The following ARHGAP44 variants were observed in gnomAD, a reference collection of about 807,000 sequenced individuals.
ARHGAP44 encodes rho GTPase-activating protein 44.
ARHGAP44 carries 43 observed loss-of-function variants against 106.8 expected under a neutral mutation model. The observed-to-expected ratio is 0.40, with a 90% confidence interval of 0.32 to 0.52. ARHGAP44 has a LOEUF of 0.52. Among genes scored for constraint, ARHGAP44 ranks in the 20% least tolerant of loss-of-function variants. The pLI, the probability that ARHGAP44 is intolerant of heterozygous loss-of-function variation, is 0.48. For synonymous variants in ARHGAP44, 439 were observed against 410.3 expected (o/e 1.07, Z -0.85); for missense variants, 866 against 1,050.5 (o/e 0.82, Z 2.43).
intron 1 of ARHGAP44, among the ~76,000 whole-genome samples, chr17:12,894,507 G>T (rs988720475): frequency 5.3e-5 from 8 of 152,176 alleles, no homozygotes; most frequent in Non-Finnish European, 1.2e-4. Flanking sequence ...TTGCCAGACC[G>T]TGGTGGTGGC....
intron 14 of ARHGAP44, 41 bp downstream of exon 14, chr17:12,956,021 G>A: frequency 6.7e-7 from 1 of 1,487,430 alleles, no homozygotes. Flanking sequence ...GATCAGGTGG[G>A]ACTGCAGGGC....
At chr17:12,843,874 C>G (rs926209071) in intron 1 of ARHGAP44, among the ~76,000 whole-genome samples, 2 of 151,682 alleles carry the variant, frequency 1.3e-5, no homozygotes, top group African/African-American at 4.8e-5. Context: ...CCAGGATGCT[C>G]TCAATCTCTT....
At chr17:12,927,780 A>G (rs201146321) in intron 6 of ARHGAP44, among the ~76,000 whole-genome samples, 15 of 152,204 alleles carry the variant, frequency 9.9e-5, no homozygotes, top group African/African-American at 1.2e-4. Flanking sequence ...TCCCAAGACT[A>G]AAGCCAGCCT....
intron 20 of ARHGAP44, chr17:12,988,409 T>C (rs916399965): frequency 6.6e-6 from 1 of 152,100 alleles, no homozygotes; most frequent in African/African-American, 2.4e-5. Flanking sequence ...CACAGTGAGG[T>C]GGGCCCCGGG....
intron 1 of ARHGAP44, among the ~76,000 whole-genome samples, chr17:12,813,527 A>T (rs1019702566): frequency 6.6e-6 from 1 of 152,212 alleles, no homozygotes; most frequent in African/African-American, 2.4e-5. Flanking sequence ...ATATGCATAC[A>T]AATACATACA....
intron 3 of ARHGAP44, among the ~76,000 whole-genome samples, chr17:12,903,836 G>A (rs1363465702): frequency 6.6e-6 from 1 of 152,062 alleles, no homozygotes; most frequent in Non-Finnish European, 1.5e-5. Context: ...TTGAAATGGG[G>A]GCGACCAAAG....
intron 6 of ARHGAP44, among the ~76,000 whole-genome samples, chr17:12,920,794 A>C (rs890132859): frequency 2.4e-4 from 37 of 152,320 alleles, no homozygotes; most frequent in African/African-American, 8.9e-4. Context: ...TTCAGAGAGC[A>C]GTCAAGTACC....
intron 1 of ARHGAP44, among the ~76,000 whole-genome samples, chr17:12,862,795 G>A (rs1276911383): frequency 6.6e-6 from 1 of 152,044 alleles, no homozygotes; most frequent in Non-Finnish European, 1.5e-5. Context: ...AGGAGTTCGA[G>A]ACCAGCCTGG....
At chr17:12,913,759 A>G (rs1427888805) in intron 4 of ARHGAP44, among the ~76,000 whole-genome samples, 5 of 112,204 alleles carry the variant, frequency 4.5e-5, no homozygotes, top group Non-Finnish European at 8.7e-5. Context: ...CCTGAGGTCC[A>G]GAGTTCAAGA....
At chr17:12,854,299 G>A (rs1474292201) in intron 1 of ARHGAP44, among the ~76,000 whole-genome samples, 2 of 152,158 alleles carry the variant, frequency 1.3e-5, no homozygotes, top group East Asian at 3.9e-4. Context: ...ACTGAGAGTG[G>A]CCTGATCTGT....
intron 1 of ARHGAP44, among the ~76,000 whole-genome samples, chr17:12,883,543 A>G (rs538560314): frequency 1.3e-5 from 2 of 148,740 alleles, no homozygotes; most frequent in South Asian, 4.5e-4. Context: ...CAAATTTGAT[A>G]TACAGTATTT....
At chr17:12,803,288 C>T (rs1216247162) in intron 1 of ARHGAP44, among the ~76,000 whole-genome samples, 1 of 151,404 alleles carries the variant, frequency 6.6e-6, no homozygotes, top group Non-Finnish European at 1.5e-5. Context: ...TGTATTTTTA[C>T]TAGAGATGGG....
At chr17:12,985,987 CAA>C (rs2039946930) in intron 20 of ARHGAP44, 1 of 152,182 alleles carries the variant, frequency 6.6e-6, no homozygotes, top group Admixed American at 6.5e-5. Flanking sequence ...CGTCCTTCTC[CAA>C]AAGAGTGATT....
intron 10 of ARHGAP44, among the ~76,000 whole-genome samples, chr17:12,947,998 A>G (rs186956967): frequency 7.8e-4 from 119 of 152,342 alleles, no homozygotes; most frequent in Non-Finnish European, 1.0e-3. Context: ...TTGGAAGTCT[A>G]TATGGCCATA....
At chr17:12,956,536 C>CT in intron 14 of ARHGAP44, 119 bp from the exon 15 acceptor site, 1 of 754,708 alleles carries the variant, frequency 1.3e-6, no homozygotes, top group Non-Finnish European at 2.2e-6. Flanking sequence ...TCTCAAACCT[C>CT]TGTCTGTGGG....
At chr17:12,818,130 A>G (rs2034652001) in intron 1 of ARHGAP44, among the ~76,000 whole-genome samples, 1 of 152,000 alleles carries the variant, frequency 6.6e-6, no homozygotes, top group African/African-American at 2.4e-5. Flanking sequence ...TGTAAAAAAT[A>G]TAAAACATTA....
intron 1 of ARHGAP44, among the ~76,000 whole-genome samples, chr17:12,794,629 A>G (rs754982103): frequency 6.6e-6 from 1 of 152,012 alleles, no homozygotes; most frequent in South Asian, 2.1e-4. Context: ...AATTGTGTGG[A>G]TTTAGAGGCT....
intron 1 of ARHGAP44, among the ~76,000 whole-genome samples, chr17:12,810,836 C>A (rs1218673473): frequency 6.6e-6 from 1 of 152,104 alleles, no homozygotes; most frequent in Non-Finnish European, 1.5e-5. Flanking sequence ...GGAGACCAAC[C>A]CCTTGTGCAG....
At chr17:12,981,502 A>G (rs2039829449) in intron 19 of ARHGAP44, among the ~76,000 whole-genome samples, 2 of 151,376 alleles carry the variant, frequency 1.3e-5, no homozygotes, top group African/African-American at 4.9e-5. Flanking sequence ...GGTTCAAGCG[A>G]TTCTCCTGCC....
Sources: allele counts gnomAD v4.1 joint callset (sites outside exome capture counted in the v4.1 genomes callset), GRCh38; gene constraint gnomAD v4.1.1; transcripts MANE v1.5; gene names NCBI Gene and HGNC (gene_info 2026-07-23, HGNC 2026-07-21).